Variants in SLC24A2 observed in about 807,000 individuals in gnomAD.
SLC24A2 encodes the protein solute carrier family 24 member 2.
In SLC24A2, 36 loss-of-function variants were observed where a neutral mutation model predicts 62.0. The observed-to-expected ratio is 0.58, with a 90% CI of 0.44 to 0.77. The LOEUF (loss-of-function observed/expected upper bound fraction) is 0.77, where lower values mean the gene tolerates loss of function less well. SLC24A2 is among the 30% of genes least tolerant of loss of function. SLC24A2 has a pLI of 0.00. For missense variants in SLC24A2, 846 were observed against 817.9 expected (o/e 1.03, Z -0.42); for synonymous variants, 358 against 294.0 (o/e 1.22, Z -2.23).
At chr9:19,684,609 G>T (rs1421759015) in intron 2 of SLC24A2, among the ~76,000 whole-genome samples, 1 of 152,088 alleles carries the variant, frequency 6.6e-6, no homozygotes. Context: ...TTTCAGGGTA[G>T]TGAGTTTCAT....
chr9:20,243,974 C>T, the SLC24A2 span, among the ~76,000 whole-genome samples: 4 of 152,010 alleles, frequency 2.6e-5, no homozygotes, highest in Admixed American at 6.6e-5. Flanking sequence ...GGGGATCAGG[C>T]GGAGATTTCT....
At chr9:19,809,989 C>T in the SLC24A2 span, among the ~76,000 whole-genome samples, 3 of 152,262 alleles carry the variant, frequency 2.0e-5, no homozygotes, top group Non-Finnish European at 4.4e-5. Flanking sequence ...CCCCAGACAA[C>T]GCAGCCACTT....
At chr9:20,302,643 G>A in the SLC24A2 span, among the ~76,000 whole-genome samples, 1 of 152,084 alleles carries the variant, frequency 6.6e-6, no homozygotes, top group African/African-American at 2.4e-5. Flanking sequence ...TTATCAGACT[G>A]CCTTTTGCAA....
At chr9:19,639,730 T>G (rs1198952329) in intron 2 of SLC24A2, among the ~76,000 whole-genome samples, 1 of 152,244 alleles carries the variant, frequency 6.6e-6, no homozygotes, top group Admixed American at 6.5e-5. Flanking sequence ...ATAGGGAAAC[T>G]GAGACAGACA....
the SLC24A2 span, among the ~76,000 whole-genome samples, chr9:19,829,832 CACACACACAT>C: frequency 0.013 from 1,722 of 137,036 alleles, 14 homozygotes; most frequent in Middle Eastern, 0.02. Flanking sequence ...CACACACACA[CACACACACAT>C]ATATAGAACT....
the SLC24A2 span, among the ~76,000 whole-genome samples, chr9:19,978,798 G>A: frequency 6.6e-6 from 1 of 152,248 alleles, no homozygotes; most frequent in East Asian, 1.9e-4. Context: ...GAGCAGCTGG[G>A]TGGGAGGACA....
chr9:20,222,074 A>C, the SLC24A2 span, among the ~76,000 whole-genome samples: 1,550 of 152,172 alleles, frequency 0.01, 18 homozygotes, highest in Non-Finnish European at 0.016. Flanking sequence ...ATTGGTAGTA[A>C]AAGTAGGCTA....
At chr9:20,292,597 T>C in the SLC24A2 span, among the ~76,000 whole-genome samples, 2 of 152,088 alleles carry the variant, frequency 1.3e-5, no homozygotes, top group African/African-American at 2.4e-5. Context: ...TGTCTTACGG[T>C]TCTGTTTTTT....
chr9:20,260,944 C>G, the SLC24A2 span, among the ~76,000 whole-genome samples: 2 of 150,784 alleles, frequency 1.3e-5, no homozygotes, highest in Non-Finnish European at 2.9e-5. Flanking sequence ...CAACCTCCAC[C>G]TCCCGGGTTC....
the SLC24A2 span, among the ~76,000 whole-genome samples, chr9:20,261,061 G>T: frequency 3.3e-5 from 5 of 151,550 alleles, no homozygotes; most frequent in Non-Finnish European, 5.9e-5. Context: ...TCACCATATT[G>T]GCCAGGATGG....
At chr9:19,659,163 G>C (rs1292448859) in intron 2 of SLC24A2, among the ~76,000 whole-genome samples, 1 of 152,172 alleles carries the variant, frequency 6.6e-6, no homozygotes. Flanking sequence ...AAGACAGAGA[G>C]ACACACAGAG....
intron 7 of SLC24A2, among the ~76,000 whole-genome samples, chr9:19,561,216 C>G (rs1320766468): frequency 6.6e-6 from 1 of 152,062 alleles, no homozygotes; most frequent in Non-Finnish European, 1.5e-5. Flanking sequence ...AGGCGTGAGC[C>G]ACCACACCTG....
the SLC24A2 span, among the ~76,000 whole-genome samples, chr9:20,155,553 G>C: frequency 6.6e-6 from 1 of 151,730 alleles, no homozygotes; most frequent in Non-Finnish European, 1.5e-5. Flanking sequence ...TGTGGTTTTT[G>C]TGAATATTTA....
At chr9:19,975,030 A>G in the SLC24A2 span, among the ~76,000 whole-genome samples, 1 of 152,192 alleles carries the variant, frequency 6.6e-6, no homozygotes, top group East Asian at 1.9e-4. Flanking sequence ...CAGGTTTCCC[A>G]TAAGTTTTTG....
the SLC24A2 span, among the ~76,000 whole-genome samples, chr9:20,001,208 C>T: frequency 9.9e-5 from 15 of 152,198 alleles, no homozygotes; most frequent in Non-Finnish European, 1.8e-4. Flanking sequence ...CCTCTTAGAT[C>T]CAGCAATGAG....
the SLC24A2 span, among the ~76,000 whole-genome samples, chr9:20,291,206 G>A: frequency 4.6e-5 from 7 of 152,174 alleles, no homozygotes; most frequent in African/African-American, 1.2e-4. Flanking sequence ...CAATATGGAC[G>A]TGGAAAACAC....
At chr9:20,228,281 T>A in the SLC24A2 span, among the ~76,000 whole-genome samples, 2 of 152,020 alleles carry the variant, frequency 1.3e-5, no homozygotes, top group East Asian at 1.9e-4. Flanking sequence ...AAGGTCAAAG[T>A]CCTTGAACTT....
At chr9:19,837,808 C>G in the SLC24A2 span, among the ~76,000 whole-genome samples, 28 of 152,040 alleles carry the variant, frequency 1.8e-4, no homozygotes, top group African/African-American at 6.8e-4. Flanking sequence ...TGAGTGAACT[C>G]CCATTCACAA....
the SLC24A2 span, among the ~76,000 whole-genome samples, chr9:20,124,671 G>T: frequency 2.0e-5 from 3 of 152,228 alleles, no homozygotes; most frequent in Non-Finnish European, 4.4e-5. Context: ...GAAATCTGGT[G>T]CCCTATGCAC....
Sources: gnomAD v4.1 joint callset for allele counts (sites outside exome capture counted in the v4.1 genomes callset) on GRCh38, gnomAD v4.1.1 for gene constraint, MANE v1.5 for transcripts, NCBI Gene and HGNC (gene_info 2026-07-23, HGNC 2026-07-21) for gene names.